The following PPARGC1A variants were observed in gnomAD, a reference collection of about 807,000 sequenced individuals.
PPARGC1A encodes peroxisome proliferator-activated receptor gamma coactivator 1-alpha.
In PPARGC1A, 25 loss-of-function variants were observed where a neutral mutation model predicts 88.7. That is an observed-to-expected ratio of 0.28 (90% CI 0.21 to 0.39). The LOEUF (loss-of-function observed/expected upper bound fraction) is 0.39. Among genes scored for constraint, PPARGC1A ranks in the 10% least tolerant of loss-of-function variants. The pLI, the probability that PPARGC1A is intolerant of heterozygous loss-of-function variation, is 1.00. For synonymous variants in PPARGC1A, 363 were observed against 355.6 expected (o/e 1.02, Z -0.24); for missense variants, 880 against 968.7 (o/e 0.91, Z 1.22).
chr4:23,977,827 C>T, the PPARGC1A span, among the ~76,000 whole-genome samples: 2 of 152,152 alleles, frequency 1.3e-5, no homozygotes, highest in Admixed American at 1.3e-4. Context: ...TAAGATGGTA[C>T]CTGTTTGTCA....
the PPARGC1A span, among the ~76,000 whole-genome samples, chr4:24,434,917 AG>A: frequency 6.6e-6 from 1 of 152,216 alleles, no homozygotes; most frequent in Non-Finnish European, 1.5e-5. Context: ...TTAACACACC[AG>A]GGAATTTTCT....
chr4:24,342,615 T>C, the PPARGC1A span, among the ~76,000 whole-genome samples: 1 of 152,232 alleles, frequency 6.6e-6, no homozygotes, highest in African/African-American at 2.4e-5. Context: ...AAATTCATGA[T>C]GCAAAATGTA....
chr4:24,231,588 A>G, the PPARGC1A span, among the ~76,000 whole-genome samples: 1 of 152,162 alleles, frequency 6.6e-6, no homozygotes, highest in Non-Finnish European at 1.5e-5. Context: ...GGCAACTCTA[A>G]TCCTCCCCGA....
At chr4:24,268,557 T>C in the PPARGC1A span, among the ~76,000 whole-genome samples, 2 of 152,188 alleles carry the variant, frequency 1.3e-5, no homozygotes, top group Non-Finnish European at 2.9e-5. Context: ...CAGGAACAAA[T>C]TTGTTTAAAG....
At chr4:24,354,371 T>C in the PPARGC1A span, among the ~76,000 whole-genome samples, 14 of 152,246 alleles carry the variant, frequency 9.2e-5, no homozygotes, top group African/African-American at 3.1e-4. Flanking sequence ...TAGACAAATT[T>C]AGGAAGTAGG....
chr4:24,290,649 AG>A, the PPARGC1A span, among the ~76,000 whole-genome samples: 1 of 152,210 alleles, frequency 6.6e-6, no homozygotes, highest in East Asian at 1.9e-4. Flanking sequence ...CCAGGAGGGC[AG>A]GGACTTCAGT....
chr4:23,921,981 T>C, the PPARGC1A span, among the ~76,000 whole-genome samples: 1 of 152,218 alleles, frequency 6.6e-6, no homozygotes, highest in Non-Finnish European at 1.5e-5. Context: ...ATTCGTTCAT[T>C]CATTCCACAA....
At chr4:23,859,646 T>A (rs146899208) in intron 2 of PPARGC1A, among the ~76,000 whole-genome samples, 8,481 of 151,800 alleles carry the variant, frequency 0.056, 343 homozygotes, top group African/African-American at 0.11. Context: ...CCCAGCGTGG[T>A]GGCGGGCGCC....
the PPARGC1A span, among the ~76,000 whole-genome samples, chr4:24,320,366 T>C: frequency 5.3e-5 from 8 of 152,246 alleles, no homozygotes; most frequent in South Asian, 2.1e-4. Context: ...ATTAATTATA[T>C]GCCTCATGGA....
chr4:24,027,595 G>T, the PPARGC1A span, among the ~76,000 whole-genome samples: 3 of 152,050 alleles, frequency 2.0e-5, no homozygotes, highest in South Asian at 6.2e-4. Context: ...AACCTGTGGG[G>T]TTTCTATGTA....
chr4:24,344,582 C>G, the PPARGC1A span, among the ~76,000 whole-genome samples: 1 of 148,272 alleles, frequency 6.7e-6, no homozygotes, highest in South Asian at 2.2e-4. Context: ...CCTTAGACCA[C>G]TTTTTGATGG....
At chr4:23,806,484 C>T (rs1444764761) in intron 10 of PPARGC1A, among the ~76,000 whole-genome samples, 1 of 152,166 alleles carries the variant, frequency 6.6e-6, no homozygotes, top group African/African-American at 2.4e-5. Context: ...ACATTTTCAA[C>T]TTCTTAAAGG....
chr4:24,412,813 C>A, the PPARGC1A span, among the ~76,000 whole-genome samples: 2 of 152,210 alleles, frequency 1.3e-5, no homozygotes, highest in African/African-American at 2.4e-5. Context: ...GCCACACCCA[C>A]CATTTACCCA....
At chr4:24,007,750 G>A in the PPARGC1A span, among the ~76,000 whole-genome samples, 1 of 152,112 alleles carries the variant, frequency 6.6e-6, no homozygotes, top group African/African-American at 2.4e-5. Flanking sequence ...AGAACAATCT[G>A]GAGGCAAAGG....
the PPARGC1A span, among the ~76,000 whole-genome samples, chr4:23,914,132 C>T: frequency 6.6e-6 from 1 of 152,140 alleles, no homozygotes; most frequent in Non-Finnish European, 1.5e-5. Flanking sequence ...AAGCACTATG[C>T]TATGCCATGA....
At chr4:24,286,194 C>T in the PPARGC1A span, among the ~76,000 whole-genome samples, 4 of 152,004 alleles carry the variant, frequency 2.6e-5, no homozygotes, top group Admixed American at 6.5e-5. Context: ...CAGTCAGTGC[C>T]CAGAGAACAA....
upstream of PPARGC1A, among the ~76,000 whole-genome samples, chr4:23,890,906 C>T (rs1717763328): frequency 6.6e-6 from 1 of 152,086 alleles, no homozygotes; most frequent in South Asian, 2.1e-4. Flanking sequence ...TCCTATTTTT[C>T]ATACATGTAG....
chr4:24,200,655 C>CAAAAAAA, the PPARGC1A span, among the ~76,000 whole-genome samples: 259 of 88,326 alleles, frequency 2.9e-3, 15 homozygotes, highest in African/African-American at 8.6e-3. Context: ...ATTTATTAAG[C>CAAAAAAA]AAAAAAAAAA....
chr4:23,945,427 C>T, the PPARGC1A span, among the ~76,000 whole-genome samples: 2 of 151,900 alleles, frequency 1.3e-5, no homozygotes, highest in Non-Finnish European at 2.9e-5. Flanking sequence ...AGCTGAGAGA[C>T]AAGGGAAAAA....
Sources: allele counts gnomAD v4.1 joint callset (sites outside exome capture counted in the v4.1 genomes callset), GRCh38; gene constraint gnomAD v4.1.1; transcripts MANE v1.5; gene names NCBI Gene and HGNC (gene_info 2026-07-23, HGNC 2026-07-21).